RPTOR: variants seen among roughly 807,000 people sequenced by gnomAD.
RPTOR encodes regulatory associated protein of MTOR complex 1, also known as regulatory-associated protein of mTOR.
RPTOR carries 21 observed loss-of-function variants against 169.9 expected under a neutral mutation model. That is an observed-to-expected ratio of 0.12 (90% confidence interval 0.09 to 0.18). The LOEUF (loss-of-function observed/expected upper bound fraction) is 0.18, where lower values mean the gene tolerates loss of function less well. Among genes scored for constraint, RPTOR ranks in the 10% least tolerant of loss-of-function variants. The probability of loss-of-function intolerance (pLI) is 1.00; values close to 1 mark genes in which losing one functional copy is unlikely to be tolerated. For synonymous variants in RPTOR, 732 were observed against 753.2 expected, an observed-to-expected ratio of 0.97 and a Z score of 0.46; for missense variants, 1,133 against 1,855.9, an observed-to-expected ratio of 0.61 and a Z score of 7.16.
chr17:80,730,449 C>T lies in RPTOR; in HGVS notation c.508-111C>T. ...TTTTGTATAAAGGCTAACTCAGCGTCTCTCCAGCCACCAGGCTCAATGTGT... is the reference window on the plus strand; with the variant it reads ...TTTTGTATAAAGGCTAACTCAGCGTTTCTCCAGCCACCAGGCTCAATGTGT... On this transcript the variant is annotated intron_variant, in intron 4 of 33. Coordinates refer to ENST00000306801, the MANE Select transcript of RPTOR (RefSeq NM_020761.3). The surrounding 1 kb of genome is among the most constrained non-coding windows in gnomAD (Gnocchi z 4.2). 1 of 1,242,074 alleles carries T rather than the reference C, an allele frequency of 8.1e-7. No homozygotes were observed. Among genetic ancestry groups the T allele is most frequent in the Non-Finnish European group, 1.1e-6 (1 of 869,630 alleles). 76.9% of individuals were successfully genotyped at this position (1,242,074 alleles called of 1,614,324 possible).
chr17:80,848,536 C>G (rs764913562), intron 11 of RPTOR, among the ~76,000 whole-genome samples: 2 of 152,258 alleles, frequency 1.3e-5, no homozygotes, highest in East Asian at 1.9e-4. Flanking sequence ...CAGAAGCCCA[C>G]GTTTTCCCTT....
At chr17:80,838,315 C>G (rs900435343) in intron 10 of RPTOR, among the ~76,000 whole-genome samples, 1 of 152,186 alleles carries the variant, frequency 6.6e-6, no homozygotes, top group African/African-American at 2.4e-5. Context: ...ACCACAGACG[C>G]GTTGTGGATC....
chr17:80,555,305 G>A (rs2084394811), intron 1 of RPTOR, among the ~76,000 whole-genome samples: 1 of 152,176 alleles, frequency 6.6e-6, no homozygotes, highest in African/African-American at 2.4e-5. Context: ...GGATGTTTGT[G>A]AAGAGCCTGT....
chr17:80,880,960 A>G (rs1195231534), intron 14 of RPTOR, among the ~76,000 whole-genome samples: 1 of 152,182 alleles, frequency 6.6e-6, no homozygotes, highest in Non-Finnish European at 1.5e-5. Context: ...TGAAAGTTTA[A>G]ATTTTCAGTA....
intron 1 of RPTOR, among the ~76,000 whole-genome samples, chr17:80,564,238 A>G (rs958211401): frequency 4.6e-5 from 7 of 151,682 alleles, no homozygotes; most frequent in Non-Finnish European, 8.8e-5. Context: ...AATTTTTTGT[A>G]TTTTTAGTAG....
chr17:80,696,571 G>A (rs1471791), intron 3 of RPTOR, among the ~76,000 whole-genome samples: 40,540 of 152,116 alleles, frequency 0.27, 7,476 homozygotes, highest in African/African-American at 0.53. Flanking sequence ...GACCTGAGAG[G>A]CCTCTTCTTA....
intron 16 of RPTOR, among the ~76,000 whole-genome samples, chr17:80,884,678 C>T (rs761867232): frequency 3.0e-4 from 46 of 152,342 alleles, no homozygotes; most frequent in Admixed American, 4.6e-4. Context: ...CACCCTCCCA[C>T]GCTCTGTGGC....
chr17:80,865,858 T>C (rs1219654823), intron 13 of RPTOR, among the ~76,000 whole-genome samples: 4 of 152,092 alleles, frequency 2.6e-5, no homozygotes, highest in African/African-American at 7.2e-5. Context: ...GCACAGAGGC[T>C]GTGCCACGAT....
At chr17:80,578,584 A>G (rs1380050971) in intron 1 of RPTOR, among the ~76,000 whole-genome samples, 1 of 152,210 alleles carries the variant, frequency 6.6e-6, no homozygotes, top group African/African-American at 2.4e-5. Flanking sequence ...CACACCAGGT[A>G]TCTCAACCAA....
intron 1 of RPTOR, among the ~76,000 whole-genome samples, chr17:80,595,301 A>G (rs912685838): frequency 6.6e-5 from 10 of 152,196 alleles, no homozygotes; most frequent in African/African-American, 1.9e-4. Context: ...TTAAACATCT[A>G]GTTCTATTAG....
chr17:80,870,271 A>G (rs886275061), intron 13 of RPTOR, among the ~76,000 whole-genome samples: 19 of 152,216 alleles, frequency 1.2e-4, no homozygotes, highest in African/African-American at 4.6e-4. Context: ...TGGAAATTCA[A>G]AGAGGCTTCC....
In RPTOR at chr17:80,654,198, A is replaced by G. The variant is rs535236954; in HGVS notation, c.348+10388A>G. On this transcript the variant is annotated intron_variant, in intron 3 of 33. Transcript: ENST00000306801. Reference sequence around the variant, plus strand: ...GGGTCGCACCCTCACTTTGGGCTACAGTAGAAGGAGATTCCCCCACCCCGT... The same window carrying G: ...GGGTCGCACCCTCACTTTGGGCTACGGTAGAAGGAGATTCCCCCACCCCGT... Among the ~76,000 whole-genome samples, 3 of 152,352 alleles carry G rather than the reference A, an allele frequency of 2.0e-5. No individual in the cohort carries two copies. In the South Asian group the frequency reaches 6.2e-4, roughly 32 times the overall value.
At chr17:80,790,546 C>T (rs1482338502) in intron 6 of RPTOR, among the ~76,000 whole-genome samples, 1 of 152,160 alleles carries the variant, frequency 6.6e-6, no homozygotes, top group Non-Finnish European at 1.5e-5. Flanking sequence ...CCTGGGTCCA[C>T]CATCCCCCAT....
At position 80,952,007 on chromosome 17, in the gene RPTOR, C is replaced by T. The variant is rs562463407; in HGVS notation, c.3370+2460C>T. On this transcript the variant is annotated intron_variant, in intron 28 of 33. Transcript: ENST00000306801. ...CAGGGACAGGTGGGCGTTCCTGGGA[C>T]GCCGGCTCGGCACTCACCCAATGAG... Among the ~76,000 whole-genome samples, 36 of 152,314 alleles carry T rather than the reference C, an allele frequency of 2.4e-4. 1 individual carries two copies. Among genetic ancestry groups the T allele is most frequent in the African/African-American group, 8.4e-4 (35 of 41,574 alleles).
chr17:80,724,796 G>A (rs2066316774), intron 4 of RPTOR, among the ~76,000 whole-genome samples: 1 of 152,188 alleles, frequency 6.6e-6, no homozygotes, highest in Non-Finnish European at 1.5e-5. Context: ...TGGATCTGAG[G>A]AGGGGCCGTG....
At chr17:80,902,339 G>T (rs768693891) in intron 20 of RPTOR, among the ~76,000 whole-genome samples, 2 of 152,322 alleles carry the variant, frequency 1.3e-5, no homozygotes, top group Middle Eastern at 6.8e-3. Flanking sequence ...AGCAGCAGCC[G>T]CTCCACTGCA....
At position 80,614,961 on chromosome 17, in the gene RPTOR, C is replaced by T. The variant is rs184520750; in HGVS notation, c.163-10730C>T. Among the ~76,000 whole-genome samples, 8 of 152,232 alleles carry T rather than the reference C, an allele frequency of 5.3e-5. No individual in the cohort carries two copies. The East Asian group carries it at 9.6e-4, about 18-fold the overall frequency. On this transcript the variant is annotated intron_variant, in intron 1 of 33. Transcript: ENST00000306801. ...TCCTTCCACCTTTGGCCTTGTCCTG[C>T]GGTAATTCCTCATTTAGGATTCCTT...
intron 23 of RPTOR, among the ~76,000 whole-genome samples, chr17:80,924,716 A>G (rs1330236519): frequency 2.0e-5 from 3 of 152,024 alleles, no homozygotes; most frequent in Non-Finnish European, 4.4e-5. Context: ...GATCATGGGG[A>G]GCTCCCTGTG....
chr17:80,640,109 T>C (rs992467154), intron 2 of RPTOR, among the ~76,000 whole-genome samples: 4 of 152,160 alleles, frequency 2.6e-5, no homozygotes, highest in African/African-American at 7.2e-5. Flanking sequence ...GCAAATACCA[T>C]TTACCATCTC....
Sources: allele counts gnomAD v4.1 joint callset (sites outside exome capture counted in the v4.1 genomes callset), GRCh38; gene constraint gnomAD v4.1.1; non-coding constraint Gnocchi (gnomAD v3.1); transcripts MANE v1.5; gene names NCBI Gene and HGNC (gene_info 2026-07-23, HGNC 2026-07-21).